The following FSHR variants were observed in gnomAD, a reference collection of about 807,000 sequenced individuals.
FSHR encodes the protein follicle stimulating hormone receptor.
In FSHR, 46 loss-of-function variants were observed where a neutral mutation model predicts 52.1. The ratio of observed to expected loss-of-function variants is 0.88; its 90% CI spans 0.70 to 1.13. The LOEUF (loss-of-function observed/expected upper bound fraction) is 1.13, where lower values mean the gene tolerates loss of function less well. Ranked by LOEUF, FSHR falls within the 50% of genes most tolerant of loss-of-function variation. The pLI, the probability that FSHR is intolerant of heterozygous loss-of-function variation, is 0.00. For synonymous variants in FSHR, 399 were observed against 309.6 expected (o/e 1.29, Z -3.03); for missense variants, 964 against 834.6 (o/e 1.16, Z -1.91).
intron 4 of FSHR, among the ~76,000 whole-genome samples, chr2:49,001,712 C>T (rs528976954): frequency 1.3e-4 from 20 of 152,076 alleles, no homozygotes; most frequent in Non-Finnish European, 2.1e-4. Flanking sequence ...AAGTGGCAAA[C>T]GTATTAATAA....
chr2:49,083,168 A>G (rs1448010091), intron 1 of FSHR, among the ~76,000 whole-genome samples: 1 of 152,022 alleles, frequency 6.6e-6, no homozygotes, highest in East Asian at 1.9e-4. Flanking sequence ...TCTACAAGCC[A>G]GAAGAGAGTG....
chr2:49,113,848 A>T (rs867701484), intron 1 of FSHR, among the ~76,000 whole-genome samples: 7 of 152,096 alleles, frequency 4.6e-5, no homozygotes, highest in Non-Finnish European at 1.0e-4. Flanking sequence ...CTCCCCCTCT[A>T]TTGATTATAA....
At chr2:48,985,875 G>A (rs369840935) in intron 6 of FSHR, among the ~76,000 whole-genome samples, 2 of 148,160 alleles carry the variant, frequency 1.3e-5, no homozygotes, top group African/African-American at 2.5e-5. Context: ...CACTGCGCCC[G>A]GCTAATTTTT....
chr2:49,047,486 G>A (rs1330215542), intron 2 of FSHR, among the ~76,000 whole-genome samples: 1 of 152,218 alleles, frequency 6.6e-6, no homozygotes, highest in Non-Finnish European at 1.5e-5. Context: ...TCAAATTTAA[G>A]TGTATGTACA....
chr2:49,076,212 G>A (rs1669944401), intron 1 of FSHR, among the ~76,000 whole-genome samples: 1 of 152,106 alleles, frequency 6.6e-6, no homozygotes, highest in Admixed American at 6.6e-5. Flanking sequence ...TGCTGATAAA[G>A]ACATACTCAA....
chr2:48,973,171 G>C (rs371075764), intron 8 of FSHR, among the ~76,000 whole-genome samples: 22 of 152,226 alleles, frequency 1.4e-4, no homozygotes, highest in African/African-American at 5.1e-4. Flanking sequence ...ATACCTTAAG[G>C]CTGCCATATT....
chr2:49,021,831 TTC>T (rs1553334822), intron 2 of FSHR, among the ~76,000 whole-genome samples: 702 of 45,976 alleles, frequency 0.015, 9 homozygotes, highest in Non-Finnish European at 0.018. Flanking sequence ...GGGTATGTGT[TTC>T]TCTCTCTCTC....
chr2:49,064,818 A>G (rs949166181), intron 2 of FSHR, among the ~76,000 whole-genome samples: 3 of 152,168 alleles, frequency 2.0e-5, no homozygotes, highest in Non-Finnish European at 2.9e-5. Flanking sequence ...TGCTGTTAAT[A>G]TTATGAATAC....
intron 3 of FSHR, among the ~76,000 whole-genome samples, chr2:49,018,104 A>G (rs368296167): frequency 2.6e-5 from 4 of 152,218 alleles, no homozygotes; most frequent in African/African-American, 4.8e-5. Flanking sequence ...AAAGAAAAAG[A>G]AAGTTGGGAG....
At chr2:49,075,146 TAAC>T (rs1669901026) in intron 1 of FSHR, among the ~76,000 whole-genome samples, 1 of 152,084 alleles carries the variant, frequency 6.6e-6, no homozygotes, top group Non-Finnish European at 1.5e-5. Context: ...TGACTATAGT[TAAC>T]AATAATATAT....
chr2:49,076,654 A>G (rs1036942142), intron 1 of FSHR, among the ~76,000 whole-genome samples: 2 of 152,190 alleles, frequency 1.3e-5, no homozygotes, highest in Non-Finnish European at 2.9e-5. Flanking sequence ...TCCACAATCC[A>G]GAGTCTCATC....
chr2:49,121,265 T>G (rs1331184563), intron 1 of FSHR, among the ~76,000 whole-genome samples: 1 of 152,224 alleles, frequency 6.6e-6, no homozygotes, highest in Non-Finnish European at 1.5e-5. Flanking sequence ...ATTTATGAAG[T>G]GCATACATTT....
At chr2:49,140,094 G>C (rs1274384318) in intron 1 of FSHR, among the ~76,000 whole-genome samples, 1 of 152,056 alleles carries the variant, frequency 6.6e-6, no homozygotes, top group Non-Finnish European at 1.5e-5. Context: ...GGCCTAAATA[G>C]GACATCACAT....
At position 49,135,956 on chromosome 2, in the gene FSHR, G is replaced by A. The variant is rs563423130; in HGVS notation, c.152+18310C>T. 1.3e-4 allele frequency among the ~76,000 whole-genome samples: 20 copies of A among 151,894 alleles called. No homozygotes were observed. The South Asian group carries it at 2.9e-3, about 22-fold the overall frequency. On this transcript the variant is annotated intron_variant, in intron 1 of 9. Coordinates refer to ENST00000406846, the MANE Select transcript of FSHR (RefSeq NM_000145.4). ...AGGAAGACAAGGGGTTGTCTTGGGGGGCTGGCAGAGGTGGAAGAAAATCTA... is the reference window on the plus strand; with the variant it reads ...AGGAAGACAAGGGGTTGTCTTGGGGAGCTGGCAGAGGTGGAAGAAAATCTA...
rs773201730 is a variant in FSHR, at chr2:48,963,504, C to T, written c.1317G>A (p.Gly439=). ...AAAAGCCAGCAGCATCACAGCCTGC[C>T]CCAGTTTGCCAGTCAATGGCATAGT... ...YHNYAIDWQT[G]AGCDAAGFFT... is the part of the protein sequence containing the mutation. Residue 439 remains glycine, a synonymous_variant, in exon 10 of 10, where the codon GGG becomes GGA. Transcript: ENST00000406846. The T allele has an allele frequency of 2.2e-5, 35 of 1,614,138 alleles. No homozygotes were observed. In the Middle Eastern group the frequency reaches 8.2e-4, roughly 38 times the overall value.
At chr2:48,981,042 TGG>T (rs1274716382) in intron 8 of FSHR, among the ~76,000 whole-genome samples, 2 of 152,184 alleles carry the variant, frequency 1.3e-5, no homozygotes, top group East Asian at 1.9e-4. Flanking sequence ...GCTGCTATTG[TGG>T]GGATCAAAGA....
rs577601947 is a variant in FSHR at position 48,999,687 on chromosome 2, C to T, written c.375-9050G>A. On this transcript the variant is annotated intron_variant, in intron 4 of 9. Transcript: ENST00000406846. ...TACTTTGTTTGTGAATGAAATGTTA[C>T]AATGGTCAAATACGTTTAGGGAATG... 3.9e-5 allele frequency among the ~76,000 whole-genome samples: 6 copies of T among 152,168 alleles called. 1 individual carries two copies. In the East Asian group the frequency reaches 1.2e-3, roughly 29 times the overall value.
At chr2:49,106,132 T>C (rs1395996367) in intron 1 of FSHR, among the ~76,000 whole-genome samples, 3 of 152,154 alleles carry the variant, frequency 2.0e-5, no homozygotes, top group Non-Finnish European at 4.4e-5. Context: ...AAGAGAAGAC[T>C]CTCTACCTGC....
intron 1 of FSHR, among the ~76,000 whole-genome samples, chr2:49,114,045 C>G (rs1399121770): frequency 6.6e-6 from 1 of 152,132 alleles, no homozygotes; most frequent in East Asian, 1.9e-4. Context: ...TGCTCCTTCT[C>G]CACCTGGCAG....
Sources: gnomAD v4.1 joint callset for allele counts (sites outside exome capture counted in the v4.1 genomes callset) on GRCh38, gnomAD v4.1.1 for gene constraint, MANE v1.5 for transcripts, NCBI Gene and HGNC (gene_info 2026-07-23, HGNC 2026-07-21) for gene names.